HS3ST3A1: variants seen among roughly 807,000 people sequenced by gnomAD.
HS3ST3A1 encodes the protein heparan sulfate glucosamine 3-O-sulfotransferase 3A1.
In HS3ST3A1, 19 loss-of-function variants were observed where a neutral mutation model predicts 25.7. The ratio of observed to expected loss-of-function variants is 0.74; its 90% CI spans 0.52 to 1.08. The LOEUF is 1.08. Ranked by LOEUF, HS3ST3A1 falls within the 50% of genes least tolerant of loss-of-function variation. The probability of loss-of-function intolerance (pLI) is 0.00; values close to 1 mark genes in which losing one functional copy is unlikely to be tolerated. For missense variants in HS3ST3A1, 459 were observed against 594.3 expected (o/e 0.77, Z 2.37); for synonymous variants, 226 against 278.6 (o/e 0.81, Z 1.88).
chr17:13,559,724 C>T (rs76329548), intron 1 of HS3ST3A1, among the ~76,000 whole-genome samples: 3,227 of 151,958 alleles, frequency 0.021, 137 homozygotes, highest in African/African-American at 0.074. Flanking sequence ...CAGTGAACAG[C>T]ACTTTCTTCT....
In HS3ST3A1 at chr17:13,496,804, C is replaced by T; in HGVS notation, c.614G>A (p.Arg205Lys). ...CATGGTGATCTGCCCGTCCAGGGTT[C>T]TGGGCATCAGGTCCCTGAGAAACGC... is the stretch of plus-strand genomic sequence containing the variant. ...GLAWYRDLMP[R>K]TLDGQITMEK... The change falls in exon 2 of 2, where the codon AGA (arginine) becomes AAA (lysine). Residue 205 changes from arginine (R) to lysine (K), a missense_variant. Physicochemically the swap from Arg to Lys is conservative, Grantham distance 26. Around this residue, in one of 3 missense-constraint regions of HS3ST3A1, gnomAD observed 346 missense variants for 303.9 expected, o/e 1.14. Transcript: ENST00000284110. The T allele has an allele frequency of 2.5e-6, 4 of 1,611,406 alleles. No homozygotes were observed. In the East Asian group the frequency reaches 6.7e-5, roughly 27 times the overall value.
intron 1 of HS3ST3A1, among the ~76,000 whole-genome samples, chr17:13,510,596 G>A (rs1053548829): frequency 1.3e-4 from 20 of 152,302 alleles, no homozygotes; most frequent in African/African-American, 4.6e-4. Context: ...GTTTGAACCA[G>A]GAGAAGTGAC....
chr17:13,507,738 C>A (rs915885729), intron 1 of HS3ST3A1, among the ~76,000 whole-genome samples: 1 of 152,120 alleles, frequency 6.6e-6, no homozygotes, highest in Admixed American at 6.5e-5. Flanking sequence ...GTCTATACAG[C>A]CAAACAGAAC....
chr17:13,526,477 TATA>T lies in HS3ST3A1; in HGVS notation c.600-29662_600-29660del, dbSNP rs1906427725. Among the ~76,000 whole-genome samples the T allele has an allele frequency of 1.7e-4, 6 of 35,224 alleles. No homozygotes were observed. In the South Asian group the frequency reaches 4.8e-3, roughly 28 times the overall value. 23.1% of individuals were successfully genotyped at this position (35,224 alleles called of 152,430 possible). On this transcript the variant is annotated intron_variant, in intron 1 of 1. Transcript: ENST00000284110. Reference sequence around the variant, plus strand: ...AACTTGGATACAACTTTAATTTTTATATATATATATATATATATATATATATAT... The same window carrying T: ...AACTTGGATACAACTTTAATTTTTATTATATATATATATATATATATATAT...
intron 1 of HS3ST3A1, among the ~76,000 whole-genome samples, chr17:13,498,928 G>C (rs1259165614): frequency 6.8e-6 from 1 of 147,556 alleles, no homozygotes; most frequent in Non-Finnish European, 1.5e-5. Context: ...CCCATACTCA[G>C]ATTTCCTCCT....
intron 1 of HS3ST3A1, among the ~76,000 whole-genome samples, chr17:13,599,231 GTTTGT>G (rs1277571049): frequency 7.9e-5 from 12 of 152,176 alleles, no homozygotes; most frequent in Admixed American, 6.5e-4. Flanking sequence ...AGGGAAGGTT[GTTTGT>G]TTTTTCTTTC....
chr17:13,536,543 T>A (rs1906776092), intron 1 of HS3ST3A1, among the ~76,000 whole-genome samples: 1 of 152,218 alleles, frequency 6.6e-6, no homozygotes, highest in African/African-American at 2.4e-5. Flanking sequence ...GGAATTAAGA[T>A]TCAAATTCCA....
intron 1 of HS3ST3A1, among the ~76,000 whole-genome samples, chr17:13,556,777 G>A (rs932686068): frequency 2.0e-4 from 31 of 151,432 alleles, no homozygotes; most frequent in African/African-American, 7.3e-4. Flanking sequence ...GCTTGAAACC[G>A]GAAGGCAGAG....
Position 13,495,535 on chromosome 17 carries a change from C to A in HS3ST3A1, c.*662G>T, listed in dbSNP as rs1242180964. ...TTTCCATTCTCCCTGGAAAAAGTGA[C>A]ATGAAATAGGGAACAAGTGGAAGAT... On this transcript the variant is annotated 3_prime_UTR_variant, in exon 2 of 2. Transcript: ENST00000284110. Among the ~76,000 whole-genome samples the A allele has an allele frequency of 6.6e-6, 1 of 152,106 alleles. No homozygotes were observed. Among genetic ancestry groups the A allele is most frequent in the East Asian group, 1.9e-4 (1 of 5,188 alleles).
At chr17:13,524,541 C>T (rs747998932) in intron 1 of HS3ST3A1, among the ~76,000 whole-genome samples, 127 of 152,098 alleles carry the variant, frequency 8.3e-4, no homozygotes, top group Non-Finnish European at 1.3e-3. Flanking sequence ...CCATTGAGCC[C>T]GGCTTAAGCA....
chr17:13,556,006 A>C (rs940190083), intron 1 of HS3ST3A1: 2 of 152,188 alleles, frequency 1.3e-5, no homozygotes, highest in Non-Finnish European at 2.9e-5. Context: ...AAATGACCTA[A>C]GAAGAAGAAA....
chr17:13,549,130 A>G (rs1907172942), intron 1 of HS3ST3A1, among the ~76,000 whole-genome samples: 1 of 152,216 alleles, frequency 6.6e-6, no homozygotes, highest in Admixed American at 6.5e-5. Flanking sequence ...AAGGGTCTGC[A>G]GCTTCATTCC....
chr17:13,504,182 G>A (rs12945849), intron 1 of HS3ST3A1, among the ~76,000 whole-genome samples: 16,047 of 152,016 alleles, frequency 0.11, 1,032 homozygotes, highest in Non-Finnish European at 0.15. Context: ...GTGTGGTGGC[G>A]GGCACCTGTT....
chr17:13,529,465 A>T (rs904402181), intron 1 of HS3ST3A1, among the ~76,000 whole-genome samples: 1 of 151,968 alleles, frequency 6.6e-6, no homozygotes, highest in Non-Finnish European at 1.5e-5. Context: ...TTAAAAAAAA[A>T]TTACCAAACT....
intron 1 of HS3ST3A1, among the ~76,000 whole-genome samples, chr17:13,534,545 TC>T (rs1906707940): frequency 4.2e-4 from 3 of 7,140 alleles, no homozygotes; most frequent in African/African-American, 1.6e-3. Context: ...CTCTACAAAA[TC>T]CAAAAAAAAA....
intron 1 of HS3ST3A1, among the ~76,000 whole-genome samples, chr17:13,506,778 C>T (rs947074833): frequency 4.6e-5 from 7 of 151,832 alleles, no homozygotes; most frequent in Admixed American, 6.6e-5. Flanking sequence ...GTCAGGAGGC[C>T]GGGAGCGGTG....
At chr17:13,523,694 T>C (rs1225885953) in intron 1 of HS3ST3A1, among the ~76,000 whole-genome samples, 4 of 152,224 alleles carry the variant, frequency 2.6e-5, no homozygotes, top group Admixed American at 2.0e-4. Context: ...TTTTGCCTGT[T>C]TTCAATTGGT....
intron 1 of HS3ST3A1, among the ~76,000 whole-genome samples, chr17:13,573,530 A>G (rs1049920062): frequency 7.2e-5 from 11 of 152,150 alleles, no homozygotes; most frequent in African/African-American, 2.7e-4. Flanking sequence ...CCAACCAGAA[A>G]TCGAAATCTG....
At chr17:13,525,732 C>T (rs901602929) in intron 1 of HS3ST3A1, among the ~76,000 whole-genome samples, 3 of 152,108 alleles carry the variant, frequency 2.0e-5, no homozygotes, top group African/African-American at 7.2e-5. Context: ...GATCATGTTC[C>T]TTCCTGCTGA....
Sources: gnomAD v4.1 joint callset for allele counts (sites outside exome capture counted in the v4.1 genomes callset) on GRCh38, gnomAD v4.1.1 for gene constraint, gnomAD v4.1.1 regional missense constraint, MANE v1.5 for transcripts, NCBI Gene and HGNC (gene_info 2026-07-23, HGNC 2026-07-21) for gene names.